PCLO: variants seen among roughly 807,000 people sequenced by gnomAD.
The protein encoded by PCLO is piccolo presynaptic cytomatrix protein.
PCLO carries 82 observed loss-of-function variants against 427.5 expected under a neutral mutation model. The ratio of observed to expected loss-of-function variants is 0.19; its 90% CI spans 0.16 to 0.23. The LOEUF (loss-of-function observed/expected upper bound fraction) is 0.23, where lower values mean the gene tolerates loss of function less well. PCLO is among the 10% of genes least tolerant of loss of function. PCLO has a pLI of 1.00. For synonymous variants in PCLO, 2,357 were observed against 2,155.4 expected (o/e 1.09, Z -2.59); for missense variants, 6,239 against 6,115.9 (o/e 1.02, Z -0.67).
At chr7:83,123,956 CAAAAA>C (rs71074625) in intron 3 of PCLO, among the ~76,000 whole-genome samples, 6 of 29,056 alleles carry the variant, frequency 2.1e-4, no homozygotes, top group Admixed American at 1.2e-3. Context: ...AACTCTGTCT[CAAAAA>C]AAAAAAAAAA....
intron 4 of PCLO, among the ~76,000 whole-genome samples, chr7:82,959,256 G>A (rs1343003229): frequency 6.6e-6 from 1 of 151,846 alleles, no homozygotes; most frequent in African/African-American, 2.4e-5. Context: ...TAGTAGAGAC[G>A]GGTTTCACCA....
At chr7:82,856,288 T>G (rs1156951357) in intron 10 of PCLO, among the ~76,000 whole-genome samples, 1 of 152,208 alleles carries the variant, frequency 6.6e-6, no homozygotes, top group Non-Finnish European at 1.5e-5. Flanking sequence ...AATATGACTG[T>G]TGCAAAGATA....
chr7:83,033,821 A>G (rs1788729497), intron 3 of PCLO, among the ~76,000 whole-genome samples: 1 of 152,132 alleles, frequency 6.6e-6, no homozygotes, highest in Admixed American at 6.6e-5. Context: ...TCTCACCACC[A>G]TATTTCCCAA....
intron 3 of PCLO, among the ~76,000 whole-genome samples, chr7:83,053,354 C>A (rs367740244): frequency 1.3e-5 from 2 of 152,092 alleles, no homozygotes; most frequent in East Asian, 3.9e-4. Context: ...CCTATCCTTG[C>A]AAACTAAATG....
intron 3 of PCLO, among the ~76,000 whole-genome samples, chr7:83,124,643 C>A (rs1311660110): frequency 6.6e-6 from 1 of 152,102 alleles, no homozygotes; most frequent in African/African-American, 2.4e-5. Flanking sequence ...ACTATACGAT[C>A]CAGCAATACC....
intron 22 of PCLO, among the ~76,000 whole-genome samples, chr7:82,799,815 C>T (rs1226859545): frequency 6.6e-6 from 1 of 152,204 alleles, no homozygotes; most frequent in African/African-American, 2.4e-5. Context: ...TCGGCTCTCG[C>T]TGTCCTCTAG....
Position 82,950,436 on chromosome 7 carries a change from G to A in PCLO, c.10152C>T (p.Tyr3384=), listed in dbSNP as rs370850135. The change falls in exon 6 of 25, where the codon TAC becomes TAT. Residue 3384 remains tyrosine (Y), a synonymous_variant. Coordinates refer to ENST00000333891, the MANE Select transcript of PCLO (RefSeq NM_033026.6). ...YTVQSDGVTQ[Y]IAPPGILSTV... ...TGCTCAGGATACCAGGTGGGGCAAT[G>A]TACTGAGTAACACCATCAGACTGAA... The A allele has an allele frequency of 1.2e-5, 20 of 1,613,640 alleles. No individual in the cohort carries two copies. The highest frequency in any genetic ancestry group is 1.6e-5 in the Non-Finnish European group (19 of 1,179,826).
chr7:82,786,338 A>T (rs919910004), intron 22 of PCLO, among the ~76,000 whole-genome samples: 50 of 152,144 alleles, frequency 3.3e-4, no homozygotes, highest in African/African-American at 1.2e-3. Flanking sequence ...AGCAAAACAA[A>T]CAAACAAAAC....
At chr7:82,983,131 C>G (rs973244786) in intron 3 of PCLO, among the ~76,000 whole-genome samples, 2 of 151,172 alleles carry the variant, frequency 1.3e-5, no homozygotes, top group African/African-American at 4.8e-5. Context: ...CTTAAATGGG[C>G]TCATAATTAC....
At chr7:82,816,391 T>C (rs1384684937) in intron 20 of PCLO, among the ~76,000 whole-genome samples, 2 of 152,058 alleles carry the variant, frequency 1.3e-5, no homozygotes, top group East Asian at 1.9e-4. Context: ...CATGCTCTTA[T>C]TGTACCCTGA....
At chr7:83,019,687 T>C (rs995991928) in intron 3 of PCLO, among the ~76,000 whole-genome samples, 14 of 152,080 alleles carry the variant, frequency 9.2e-5, no homozygotes, top group African/African-American at 2.4e-4. Flanking sequence ...ATTTTTATTA[T>C]GTAAACATCA....
intron 3 of PCLO, among the ~76,000 whole-genome samples, chr7:83,018,287 A>G (rs1481254115): frequency 1.3e-5 from 2 of 152,028 alleles, no homozygotes. Context: ...ATAAACATAT[A>G]TAAAGAATGT....
chr7:82,800,379 C>G (rs1440786604), intron 22 of PCLO, among the ~76,000 whole-genome samples: 2 of 152,120 alleles, frequency 1.3e-5, no homozygotes, highest in African/African-American at 4.8e-5. Context: ...AATAGTGTGA[C>G]ATTTGGTGTC....
At chr7:83,069,504 A>G (rs1789751691) in intron 3 of PCLO, among the ~76,000 whole-genome samples, 1 of 152,212 alleles carries the variant, frequency 6.6e-6, no homozygotes, top group African/African-American at 2.4e-5. Context: ...AAAGTTTTAA[A>G]AAGAATTACC....
Position 83,080,553 on chromosome 7 carries a change from G to A in PCLO, c.3300+53697C>T, listed in dbSNP as rs1279492902. Among the ~76,000 whole-genome samples the A allele has an allele frequency of 3.3e-5, 5 of 152,016 alleles. No homozygotes were observed. The South Asian group carries it at 1.0e-3, about 31-fold the overall frequency. ...GAACTCAAATCTGCCCATCATAAAA[G>A]CTCATTTTAAAGTCCATTTCCGTAT... On this transcript the variant is annotated intron_variant, in intron 3 of 24. Coordinates refer to ENST00000333891, the MANE Select transcript of PCLO (RefSeq NM_033026.6).
rs193168952 is a variant in PCLO, at chr7:82,867,609, G to A, written c.13654+11728C>T. 6.6e-5 allele frequency among the ~76,000 whole-genome samples: 10 copies of A among 152,206 alleles called. 1 individual carries two copies. In the Middle Eastern group the frequency reaches 0.01, roughly 155 times the overall value. On this transcript the variant is annotated intron_variant, in intron 10 of 24. Transcript: ENST00000333891. ...AGTGCAGTCTATTCCAAGAAATATTGGTTAGACAAATCCGGAAATCTAACT... is the reference window on the plus strand; with the variant it reads ...AGTGCAGTCTATTCCAAGAAATATTAGTTAGACAAATCCGGAAATCTAACT...
chr7:82,911,546 T>A (rs913902590), intron 7 of PCLO, among the ~76,000 whole-genome samples: 3 of 152,062 alleles, frequency 2.0e-5, no homozygotes, highest in African/African-American at 7.2e-5. Context: ...ACATAAACAG[T>A]TTAATTCTTC....
At chr7:83,136,942 AG>A (rs1255986688) in intron 2 of PCLO, among the ~76,000 whole-genome samples, 4 of 152,276 alleles carry the variant, frequency 2.6e-5, no homozygotes, top group African/African-American at 9.6e-5. Flanking sequence ...TCCTTATAAT[AG>A]ATTATTTTAA....
At position 82,901,441 on chromosome 7, in the gene PCLO, C is replaced by T. The variant is rs201027300; in HGVS notation, c.13528+1210G>A. 4.6e-5 allele frequency among the ~76,000 whole-genome samples: 7 copies of T among 151,942 alleles called. No individual in the cohort carries two copies. In the East Asian group the frequency reaches 5.8e-4, roughly 13 times the overall value. On this transcript the variant is annotated intron_variant, in intron 9 of 24. Coordinates refer to ENST00000333891, the MANE Select transcript of PCLO (RefSeq NM_033026.6). The stretch of plus-strand genomic sequence containing the variant: ...AAATTAATTCAAGATGGATTAAAGA[C>T]GTACATGTTAGACCTAAAACCATAA...
Sources: allele counts gnomAD v4.1 joint callset (sites outside exome capture counted in the v4.1 genomes callset), GRCh38; gene constraint gnomAD v4.1.1; transcripts MANE v1.5; gene names NCBI Gene and HGNC (gene_info 2026-07-23, HGNC 2026-07-21).